The following ADAM22 variants were observed in gnomAD, a reference collection of about 807,000 sequenced individuals.
The protein encoded by ADAM22 is disintegrin and metalloproteinase domain-containing protein 22.
A neutral mutation model predicts 144.6 loss-of-function variants in ADAM22; 65 were observed. The observed-to-expected ratio is 0.45, with a 90% CI of 0.37 to 0.55. The LOEUF (loss-of-function observed/expected upper bound fraction) is 0.55, where lower values mean the gene tolerates loss of function less well. ADAM22 is among the 20% of genes least tolerant of loss of function. The pLI is 0.00. For missense variants in ADAM22, 974 were observed against 1,184.9 expected (o/e 0.82, Z 2.61); for synonymous variants, 391 against 412.6 (o/e 0.95, Z 0.63).
At chr7:88,063,908 C>T (rs1810530824) in intron 3 of ADAM22, among the ~76,000 whole-genome samples, 1 of 152,160 alleles carries the variant, frequency 6.6e-6, no homozygotes, top group Non-Finnish European at 1.5e-5. Flanking sequence ...AATAAATTAA[C>T]ATCATGCATT....
intron 2 of ADAM22, among the ~76,000 whole-genome samples, chr7:87,958,083 T>C (rs555103009): frequency 1.8e-4 from 28 of 152,340 alleles, no homozygotes; most frequent in Non-Finnish European, 3.7e-4. Flanking sequence ...TTTATAAACA[T>C]CATTTATTCA....
intron 31 of ADAM22, among the ~76,000 whole-genome samples, chr7:88,195,652 A>C (rs1291222908): frequency 4.6e-4 from 70 of 152,136 alleles, no homozygotes; most frequent in African/African-American, 1.6e-3. Flanking sequence ...AGTAGCTGGG[A>C]CTACAGGTGC....
intron 2 of ADAM22, among the ~76,000 whole-genome samples, chr7:87,966,946 AC>A (rs1482069303): frequency 6.6e-6 from 1 of 151,510 alleles, no homozygotes; most frequent in Non-Finnish European, 1.5e-5. Flanking sequence ...CATGGGAGGG[AC>A]CTGGTGGGAG....
chr7:88,109,449 CT>C (rs1339806006), intron 5 of ADAM22, among the ~76,000 whole-genome samples: 1 of 152,098 alleles, frequency 6.6e-6, no homozygotes, highest in Non-Finnish European at 1.5e-5. Flanking sequence ...TCATTTCCTT[CT>C]TGTTTGTTTT....
chr7:88,145,056 T>C, intron 15 of ADAM22, 69 bp from the exon 16 acceptor site: 1 of 1,408,750 alleles, frequency 7.1e-7, no homozygotes, highest in Admixed American at 1.9e-5. Flanking sequence ...GGTATGGCAC[T>C]TATGGTCTCT....
intron 4 of ADAM22, among the ~76,000 whole-genome samples, chr7:88,087,278 A>G (rs1185897865): frequency 1.3e-5 from 2 of 152,170 alleles, no homozygotes; most frequent in Non-Finnish European, 2.9e-5. Flanking sequence ...GTATCTAACA[A>G]TTTCTCCTTT....
In ADAM22 at chr7:88,039,449, C is replaced by CA. The variant is rs1216762883; in HGVS notation, c.324-36161dup. Among the ~76,000 whole-genome samples, 489 of 58,608 alleles carry CA rather than the reference C, an allele frequency of 8.3e-3. 45 individuals carry two copies. Among genetic ancestry groups the CA allele is most frequent in the African/African-American group, 9.9e-3 (185 of 18,662 alleles). 38.4% of individuals were successfully genotyped at this position (58,608 alleles called of 152,430 possible). A position where few individuals can be genotyped will look rare whatever the true frequency, so the allele number is the denominator to read the frequency against. ...AGGGCAACAGAGCGAGATTCTGTCT[C>CA]AAAAAAAAAAAAAAAATATATATAT... On this transcript the variant is annotated intron_variant, in intron 3 of 31. Transcript: ENST00000413139.
intron 3 of ADAM22, among the ~76,000 whole-genome samples, chr7:88,001,873 G>A (rs1360453396): frequency 6.6e-6 from 1 of 151,986 alleles, no homozygotes; most frequent in Non-Finnish European, 1.5e-5. Context: ...TTAAGATTGA[G>A]TAGGGATATA....
At chr7:88,138,576 T>C (rs547696371) in intron 14 of ADAM22, among the ~76,000 whole-genome samples, 11 of 152,364 alleles carry the variant, frequency 7.2e-5, no homozygotes, top group Admixed American at 6.5e-4. Context: ...TGAAGTTCTG[T>C]ACAGCTAAAT....
chr7:88,188,900 C>T (rs551439705), intron 30 of ADAM22, among the ~76,000 whole-genome samples: 1 of 152,314 alleles, frequency 6.6e-6, no homozygotes, highest in East Asian at 1.9e-4. Flanking sequence ...CACCATGTTG[C>T]TCAAGCTGGT....
intron 3 of ADAM22, among the ~76,000 whole-genome samples, chr7:88,043,421 C>A (rs940789586): frequency 6.7e-6 from 1 of 150,178 alleles, no homozygotes; most frequent in Non-Finnish European, 1.5e-5. Context: ...GGTGGCAGAG[C>A]TTGCAGTGAG....
In ADAM22 at chr7:88,038,171, CT is replaced by C. The variant is rs772865769; in HGVS notation, c.324-37454del. On this transcript the variant is annotated intron_variant, in intron 3 of 31. Transcript: ENST00000413139. Reference sequence around the variant, plus strand: ...CATGTCCTGTGGATAGATAAGTATACTCCATCTATTCTATGGGAGAGAATGT... The same window carrying C: ...CATGTCCTGTGGATAGATAAGTATACCCATCTATTCTATGGGAGAGAATGT... Among the ~76,000 whole-genome samples, 635 of 152,302 alleles carry C rather than the reference CT, an allele frequency of 4.2e-3. 4 individuals carry two copies. The highest frequency in any genetic ancestry group is 5.3e-3 in the Non-Finnish European group (361 of 68,028).
At chr7:88,159,940 A>G (rs1035771575) in intron 22 of ADAM22, among the ~76,000 whole-genome samples, 1 of 152,140 alleles carries the variant, frequency 6.6e-6, no homozygotes, top group African/African-American at 2.4e-5. Context: ...GGGAAATCCA[A>G]ATAAGAAGAG....
chr7:88,153,088 G>T lies in ADAM22; in HGVS notation c.1682-133G>T, dbSNP rs1376561193. Reference sequence around the variant, plus strand: ...TCCATGGTAAAACTGTGAACCGTTCGTTGGTAACATTTTTGGAATTGATAA... The same window carrying T: ...TCCATGGTAAAACTGTGAACCGTTCTTTGGTAACATTTTTGGAATTGATAA... On this transcript the variant is annotated intron_variant, in intron 20 of 31. Transcript: ENST00000413139. 10 of 580,066 alleles carry T rather than the reference G, an allele frequency of 1.7e-5. 1 individual carries two copies. The East Asian group carries it at 2.1e-4, about 12-fold the overall frequency. 35.9% of individuals were successfully genotyped at this position (580,066 alleles called of 1,614,324 possible). A position where few individuals can be genotyped will look rare whatever the true frequency, so the allele number is the denominator to read the frequency against.
At chr7:87,953,433 T>G (rs1237519532) in intron 2 of ADAM22, among the ~76,000 whole-genome samples, 2 of 152,152 alleles carry the variant, frequency 1.3e-5, no homozygotes, top group East Asian at 1.9e-4. Context: ...TTGTTCAGTT[T>G]CCATGTAGTT....
chr7:88,151,687 C>T (rs182197899), intron 20 of ADAM22, among the ~76,000 whole-genome samples: 2 of 152,282 alleles, frequency 1.3e-5, no homozygotes, highest in East Asian at 1.9e-4. Context: ...ATGGGATGGA[C>T]GTGGACCCTG....
At chr7:88,099,193 T>A (rs1822249895) in intron 4 of ADAM22, among the ~76,000 whole-genome samples, 1 of 152,202 alleles carries the variant, frequency 6.6e-6, no homozygotes, top group African/African-American at 2.4e-5. Flanking sequence ...GTTCAACAAC[T>A]CTGAAAGTCT....
rs375420043 is a variant in ADAM22 at position 88,143,087 on chromosome 7, A to G, written c.1282A>G (p.Ser428Gly). ...NIEEYHDFLN[S>G]GGGACLFNKP... ...TGAAGAGTATCATGACTTCCTGAAT[A>G]GTGGAGGTGGTGCCTGCCTTTTCAA... Residue 428 changes from serine to glycine, a missense_variant, in exon 15 of 32, where the codon AGT becomes GGT. Coordinates refer to ENST00000413139, the MANE Select transcript of ADAM22 (RefSeq NM_001324418.2). The G allele has an allele frequency of 1.2e-6, 2 of 1,612,734 alleles. No homozygotes were observed. Among genetic ancestry groups the G allele is most frequent in the Non-Finnish European group, 1.7e-6 (2 of 1,179,206 alleles).
intron 3 of ADAM22, among the ~76,000 whole-genome samples, chr7:88,058,576 G>T (rs1253215834): frequency 6.6e-6 from 1 of 152,180 alleles, no homozygotes; most frequent in Non-Finnish European, 1.5e-5. Context: ...TTGTGGGAAA[G>T]GGTCTACTGT....
Sources: allele counts gnomAD v4.1 joint callset (sites outside exome capture counted in the v4.1 genomes callset), GRCh38; gene constraint gnomAD v4.1.1; transcripts MANE v1.5; gene names NCBI Gene and HGNC (gene_info 2026-07-23, HGNC 2026-07-21).